EDNRA: variants seen among roughly 807,000 people sequenced by gnomAD.
The protein encoded by EDNRA is endothelin-1 receptor.
EDNRA carries 11 observed loss-of-function variants against 41.4 expected under a neutral mutation model. The ratio of observed to expected loss-of-function variants is 0.27; its 90% CI spans 0.17 to 0.44. The LOEUF (loss-of-function observed/expected upper bound fraction) is 0.44. Among genes scored for constraint, EDNRA ranks in the 20% least tolerant of loss-of-function variants. The probability of loss-of-function intolerance (pLI) is 1.00; values close to 1 mark genes in which losing one functional copy is unlikely to be tolerated. For missense variants in EDNRA, 294 were observed against 531.0 expected (o/e 0.55, Z 4.39); for synonymous variants, 172 against 183.0 (o/e 0.94, Z 0.49).
At chr4:147,488,583 T>C (rs1729022318) in intron 2 of EDNRA, 1 of 152,192 alleles carries the variant, frequency 6.6e-6, no homozygotes, top group Non-Finnish European at 1.5e-5. Context: ...TTTTAGAAAG[T>C]AAACCTTTAG....
At chr4:147,499,827 C>T (rs201415885) in intron 2 of EDNRA, among the ~76,000 whole-genome samples, 6 of 102,350 alleles carry the variant, frequency 5.9e-5, no homozygotes, top group East Asian at 6.5e-4. Flanking sequence ...TTTTTTGAGA[C>T]GGAGTCTCAC....
intron 2 of EDNRA, among the ~76,000 whole-genome samples, chr4:147,487,121 G>A (rs759047635): frequency 3.5e-4 from 53 of 152,050 alleles, no homozygotes; most frequent in Admixed American, 6.5e-4. Flanking sequence ...ACCACCAGAT[G>A]TCTCGAGAAT....
chr4:147,513,491 C>T (rs763894828), intron 2 of EDNRA, among the ~76,000 whole-genome samples: 1 of 152,196 alleles, frequency 6.6e-6, no homozygotes, highest in Non-Finnish European at 1.5e-5. Context: ...CCAGAGAGCA[C>T]GTTCTCATAA....
In EDNRA at chr4:147,519,201, T is replaced by C. The variant is rs1214255725; in HGVS notation, c.421-650T>C. On this transcript the variant is annotated intron_variant, in intron 2 of 7. Transcript: ENST00000651419. The surrounding 1 kb of genome is among the most constrained non-coding windows in gnomAD (Gnocchi z 4.1). ...CATCTACTGAAGCAGAGTCAGCCCC[T>C]TAAGCACAGAGGAAAATGTAAGTTC... 6.6e-6 allele frequency among the ~76,000 whole-genome samples: 1 copy of C among 152,222 alleles called. No individual in the cohort carries two copies. The highest frequency in any genetic ancestry group is 1.5e-5 in the Non-Finnish European group (1 of 68,032).
At chr4:147,528,256 T>G (rs1313705928) in intron 3 of EDNRA, among the ~76,000 whole-genome samples, 1 of 152,158 alleles carries the variant, frequency 6.6e-6, no homozygotes, top group Non-Finnish European at 1.5e-5. Context: ...TCAACAGGTA[T>G]TTATTTGGCA....
At position 147,539,940 on chromosome 4, in the gene EDNRA, G is replaced by A. The variant is rs747289151; in HGVS notation, c.1024G>A (p.Glu342Lys). 6.2e-7 allele frequency: 1 copy of A among 1,606,826 alleles called. No homozygotes were observed. Among genetic ancestry groups the A allele is most frequent in the Non-Finnish European group, 8.5e-7 (1 of 1,178,298 alleles). Residue 342 changes from glutamate (E) to lysine (K), a missense_variant, in exon 6 of 8, where the codon GAA becomes AAA. Around this residue, in one of 3 missense-constraint regions of EDNRA, gnomAD observed 185 missense variants for 390.8 expected, o/e 0.47. Transcript: ENST00000651419. ...VYNEMDKNRC[E>K]LLSFLLLMDY... ...TAACGAGATGGACAAGAACCGATGT[G>A]AATTACTTAGGTATGATCCTGTGTA...
Position 147,535,888 on chromosome 4 carries a change from T to C in EDNRA, c.759T>C (p.Asp253=). 6.2e-7 allele frequency: 1 copy of C among 1,613,252 alleles called. No homozygotes were observed. The highest frequency in any genetic ancestry group is 8.5e-7 in the Non-Finnish European group (1 of 1,179,642). ...ATSKFMEFYQ[D]VKDWWLFGFY... ...TTTTCACTTTGAAGTTCTACCAAGA[T>C]GTAAAGGACTGGTGGCTCTTCGGGT... The change falls in exon 5 of 8, where the codon GAT becomes GAC. Residue 253 remains aspartate (D), a synonymous_variant. Transcript: ENST00000651419.
chr4:147,542,159 C>A (rs994519085), intron 7 of EDNRA, among the ~76,000 whole-genome samples: 10 of 152,090 alleles, frequency 6.6e-5, no homozygotes, highest in African/African-American at 2.2e-4. Flanking sequence ...AACGCTAGGA[C>A]CCCCCCACCA....
chr4:147,534,214 C>A (rs1195530572), intron 4 of EDNRA, among the ~76,000 whole-genome samples: 1 of 152,074 alleles, frequency 6.6e-6, no homozygotes, highest in Non-Finnish European at 1.5e-5. Flanking sequence ...AGCAAATGCA[C>A]CCGGAAAAAG....
At chr4:147,535,780 T>C in intron 4 of EDNRA, 97 bp from the exon 5 acceptor site, 1 of 1,450,808 alleles carries the variant, frequency 6.9e-7, no homozygotes. Flanking sequence ...CAGATGTATC[T>C]GCAAGTTTAA....
Position 147,519,718 on chromosome 4 carries a change from T to G in EDNRA, c.421-133T>G. 9.6e-7 allele frequency: 1 copy of G among 1,043,544 alleles called. No homozygotes were observed. The highest frequency in any genetic ancestry group is 1.3e-6 in the Non-Finnish European group (1 of 759,602). 64.6% of individuals were successfully genotyped at this position (1,043,544 alleles called of 1,614,324 possible). A position where few individuals can be genotyped will look rare whatever the true frequency, so the allele number is the denominator to read the frequency against. On this transcript the variant is annotated intron_variant, in intron 2 of 7. Coordinates refer to ENST00000651419, the MANE Select transcript of EDNRA (RefSeq NM_001957.4). The surrounding 1 kb of genome is among the most constrained non-coding windows in gnomAD (Gnocchi z 4.1). ...AAGAAAAAAATAACAATTCTAATAC[T>G]CTTTTGCTACAGTGCTAACTGAAAA... is the stretch of plus-strand genomic sequence containing the variant.
In EDNRA at chr4:147,532,532, G is replaced by A; in HGVS notation, c.575G>A (p.Arg192His). The change falls in exon 4 of 8, where the codon CGT becomes CAT. Residue 192 changes from arginine (R) to histidine (H), a missense_variant. Arg to His is a conservative substitution (Grantham distance 29). Transcript: ENST00000651419. ...DRYRAVASWSRVQGIGIPLVT... is the reference protein window; with the variant it reads ...DRYRAVASWSHVQGIGIPLVT... Reference sequence around the variant, plus strand: ...TACAGAGCAGTTGCCTCCTGGAGTCGTGTTCAGGGAATTGGGATTCCTTTG... The same window carrying A: ...TACAGAGCAGTTGCCTCCTGGAGTCATGTTCAGGGAATTGGGATTCCTTTG... The A allele has an allele frequency of 6.2e-7, 1 of 1,613,802 alleles. No homozygotes were observed. Among genetic ancestry groups the A allele is most frequent in the East Asian group, 2.2e-5 (1 of 44,866 alleles).
chr4:147,493,827 G>A (rs1407428587), intron 2 of EDNRA: 1 of 152,120 alleles, frequency 6.6e-6, no homozygotes, highest in Non-Finnish European at 1.5e-5. Flanking sequence ...TTGCAGAAGA[G>A]CAACCTGGAA....
chr4:147,524,041 GA>G (rs1730442925), intron 3 of EDNRA, among the ~76,000 whole-genome samples: 2 of 152,000 alleles, frequency 1.3e-5, no homozygotes, highest in Non-Finnish European at 2.9e-5. Context: ...TTGATCTCTG[GA>G]AAGGGAAGGA....
intron 2 of EDNRA, chr4:147,506,816 C>T (rs966924315): frequency 5.2e-6 from 1 of 193,502 alleles, no homozygotes; most frequent in South Asian, 1.3e-4. Context: ...CTAAGCAAAA[C>T]GCATTGATAC....
At position 147,486,145 on chromosome 4, in the gene EDNRA, T is replaced by C. The variant is rs776383974; in HGVS notation, c.420+44T>C. 5 of 1,556,434 alleles carry C rather than the reference T, an allele frequency of 3.2e-6. No homozygotes were observed. The South Asian group carries it at 6.2e-5, about 19-fold the overall frequency. On this transcript the variant is annotated intron_variant, in intron 2 of 7. Coordinates refer to ENST00000651419, the MANE Select transcript of EDNRA (RefSeq NM_001957.4). This position sits in a 1 kb window ranked among gnomAD's most constrained non-coding sequence, Gnocchi z 4.3. The stretch of plus-strand genomic sequence containing the variant: ...TGTATTTGCAAATTTAAACCCATGC[T>C]CTGATTCCACGTGGAGAGTTGCTGC...
intron 2 of EDNRA, among the ~76,000 whole-genome samples, chr4:147,505,219 G>A (rs76359903): frequency 5.3e-5 from 3 of 56,260 alleles, no homozygotes; most frequent in African/African-American, 1.4e-4. Flanking sequence ...AAAAAAAAGA[G>A]AGAGAGAGAG....
intron 5 of EDNRA, among the ~76,000 whole-genome samples, chr4:147,538,566 C>T (rs1291809219): frequency 6.6e-6 from 1 of 152,198 alleles, no homozygotes; most frequent in African/African-American, 2.4e-5. Context: ...TCCCCTAATA[C>T]ACTGCTTTTC....
At chr4:147,482,646 CAT>C (rs1368685525) in intron 1 of EDNRA, among the ~76,000 whole-genome samples, 16 of 152,186 alleles carry the variant, frequency 1.1e-4, no homozygotes, top group Admixed American at 5.2e-4. Context: ...TGCAGCTTAA[CAT>C]GTGTGGAGAG....
Sources: allele counts gnomAD v4.1 joint callset (sites outside exome capture counted in the v4.1 genomes callset), GRCh38; gene constraint gnomAD v4.1.1; regional missense constraint gnomAD v4.1.1; non-coding constraint Gnocchi (gnomAD v3.1); transcripts MANE v1.5; gene names NCBI Gene and HGNC (gene_info 2026-07-23, HGNC 2026-07-21).